Variants in ACAP3 observed in about 807,000 individuals in gnomAD.
ACAP3 encodes arf-GAP with coiled-coil, ANK repeat and PH domain-containing protein 3.
In ACAP3, 56 loss-of-function variants were observed where a neutral mutation model predicts 104.1. The ratio of observed to expected loss-of-function variants is 0.54; its 90% CI spans 0.43 to 0.67. ACAP3 has a LOEUF of 0.67. Among genes scored for constraint, ACAP3 ranks in the 30% least tolerant of loss-of-function variants. The pLI is 0.00. For missense variants in ACAP3, 1,208 were observed against 1,174.9 expected (o/e 1.03, Z -0.41); for synonymous variants, 628 against 496.2 (o/e 1.27, Z -3.53).
chr1:1,298,489 CACCT>C, intron 11 of ACAP3, 68 bp from the exon 12 acceptor site: 2 of 1,550,138 alleles, frequency 1.3e-6, no homozygotes, highest in South Asian at 1.2e-5. Flanking sequence ...CCCCTGCCCC[CACCT>C]GAGGACCCCA....
At chr1:1,301,944 A>T in intron 5 of ACAP3, 44 bp downstream of exon 5, 4 of 1,511,252 alleles carry the variant, frequency 2.6e-6, no homozygotes, top group Non-Finnish European at 3.6e-6. Flanking sequence ...CAAGGGAGGG[A>T]GCGTGGCCTC....
At chr1:1,300,863 G>A (rs113978002) in intron 5 of ACAP3, among the ~76,000 whole-genome samples, 171 bp from the exon 6 acceptor site, 2 of 151,638 alleles carry the variant, frequency 1.3e-5, no homozygotes, top group Admixed American at 1.3e-4. Flanking sequence ...TCTCTGCCTC[G>A]CGAGTTCAAG....
chr1:1,295,674 G>C, intron 18 of ACAP3, 62 bp downstream of exon 18: 3 of 1,554,452 alleles, frequency 1.9e-6, no homozygotes, highest in East Asian at 4.7e-5. Context: ...CCAGCCCCTT[G>C]ACGGAGTCCA....
intron 1 of ACAP3, chr1:1,307,505 C>A: frequency 8.3e-7 from 1 of 1,205,096 alleles, no homozygotes. Flanking sequence ...AGACACAGAG[C>A]GGGGGCGGAC....
chr1:1,294,882 C>A, intron 19 of ACAP3, 66 bp from the exon 20 acceptor site: 1 of 1,506,410 alleles, frequency 6.6e-7, no homozygotes, highest in Non-Finnish European at 9.0e-7. Context: ...AGCCCTGGGG[C>A]AAGGCTGGAA....
chr1:1,303,357 G>A lies in ACAP3; in HGVS notation c.106-76C>T, dbSNP rs1284840395. ...CGCCACCACACACGGCCACTCAGAG[G>A]CAGGAAGAGCTCCCAGGGTAGGTTC... is the stretch of plus-strand genomic sequence containing the variant. On this transcript the variant is annotated intron_variant, in intron 2 of 23. Transcript: ENST00000354700. The surrounding 1 kb of genome is among the most constrained non-coding windows in gnomAD (Gnocchi z 4.0). 1.3e-6 allele frequency: 2 copies of A among 1,523,370 alleles called. No homozygotes were observed. The highest frequency in any genetic ancestry group is 1.8e-6 in the Non-Finnish European group (2 of 1,132,052). 94.4% of individuals were successfully genotyped at this position (1,523,370 alleles called of 1,614,324 possible).
At chr1:1,300,428 C>T (rs536829618) in intron 6 of ACAP3, 81 bp downstream of exon 6, 24 of 1,434,882 alleles carry the variant, frequency 1.7e-5, no homozygotes, top group African/African-American at 7.2e-5. Context: ...TGCTCAAAAT[C>T]CCTCCAGTTC....
rs554622597 is a variant in ACAP3 at position 1,295,748 on chromosome 1, C to T, written c.1693G>A (p.Ala565Thr). 18 of 1,602,678 alleles carry T rather than the reference C, an allele frequency of 1.1e-5. No homozygotes were observed. In the East Asian group the frequency reaches 2.0e-4, roughly 18 times the overall value. Residue 565 changes from alanine to threonine, a missense_variant, in exon 18 of 24, where the codon GCT becomes ACT. Physicochemically the swap from Ala to Thr is moderately conservative, Grantham distance 58. Transcript: ENST00000354700. ...CATGGCCTCCCACCTGAGGACAGAGCGGCCACACAGGGCAGAACGGGCTCA... is the reference window on the plus strand; with the variant it reads ...CATGGCCTCCCACCTGAGGACAGAGTGGCCACACAGGGCAGAACGGGCTCA... ...RLEPVLPCVA[A>T]LSSVGTLDRK...
intron 19 of ACAP3, chr1:1,295,058 C>G: frequency 3.5e-6 from 2 of 569,720 alleles, no homozygotes; most frequent in South Asian, 2.2e-5. Flanking sequence ...GCCCTTCCCT[C>G]CCGCTCGCCG....
chr1:1,296,825 A>G (rs377181383), intron 14 of ACAP3, among the ~76,000 whole-genome samples, 192 bp from the exon 15 acceptor site: 3 of 144,050 alleles, frequency 2.1e-5, no homozygotes, highest in South Asian at 2.3e-4. Flanking sequence ...CCGCACACGC[A>G]CACACGCGCA....
At chr1:1,298,498 A>ACCC in intron 11 of ACAP3, 69 bp downstream of exon 11, 3 of 533,192 alleles carry the variant, frequency 5.6e-6, no homozygotes, top group South Asian at 1.8e-5. Flanking sequence ...CCACCTGAGG[A>ACCC]CCCCACCCCC....
Position 1,293,286 on chromosome 1 carries a change from C to G in ACAP3, c.*278G>C. ...GGCTTGTGACATGAGCAACCCAGGC[C>G]CCTGAAAAGGGGTGACCTGAAGACA... On this transcript the variant is annotated 3_prime_UTR_variant, in exon 24 of 24. Transcript: ENST00000354700. The G allele has an allele frequency of 3.9e-6, 1 of 256,410 alleles. No homozygotes were observed. The highest frequency in any genetic ancestry group is 7.3e-6 in the Non-Finnish European group (1 of 136,958). The allele number at this position is 256,410 out of a possible 1,614,324, so 15.9% of individuals were successfully genotyped here. A position where few individuals can be genotyped will look rare whatever the true frequency, so the allele number is the denominator to read the frequency against.
At position 1,296,508 on chromosome 1, in the gene ACAP3, G is replaced by A. The variant is rs755461888; in HGVS notation, c.1254C>T (p.Cys418=). ...GGGGGTCCGGCTGGCCGCAGTCGCCGCACTGGCTGTTGCCGGCCACACTCT... is the reference window on the plus strand; with the variant it reads ...GGGGGTCCGGCTGGCCGCAGTCGCCACACTGGCTGTTGCCGGCCACACTCT... ...RVQSVAGNSQ[C]GDCGQPDPRW... is the part of the protein sequence containing the mutation. Residue 418 remains cysteine, a synonymous_variant, in exon 15 of 24, where the codon TGC becomes TGT. Transcript: ENST00000354700. The A allele has an allele frequency of 4.6e-5, 71 of 1,541,266 alleles. No homozygotes were observed. Among genetic ancestry groups the A allele is most frequent in the Admixed American group, 1.8e-4 (9 of 51,000 alleles).
intron 5 of ACAP3, 62 bp downstream of exon 5, chr1:1,301,926 T>A: frequency 7.0e-7 from 1 of 1,438,518 alleles, no homozygotes; most frequent in Admixed American, 2.4e-5. Flanking sequence ...CCAGACCCCC[T>A]TCCCCTCCAA....
chr1:1,299,387 G>A (rs755487888), intron 9 of ACAP3, 31 bp from the exon 10 acceptor site: 12 of 1,522,342 alleles, frequency 7.9e-6, no homozygotes, highest in Middle Eastern at 2.1e-4. Flanking sequence ...GGGGTAGGGG[G>A]AGAAAGCCAG....
chr1:1,293,812 G>A lies in ACAP3; in HGVS notation c.2360+11C>T. On this transcript the variant is annotated intron_variant, in intron 23 of 23. Coordinates refer to ENST00000354700, the MANE Select transcript of ACAP3 (RefSeq NM_030649.3). ...GGCCCCGCCCAGCCCCGAGGGCCCG[G>A]CCGCGCTCACAGTGTCACGATGTCA... is the stretch of plus-strand genomic sequence containing the variant. 1 of 1,191,614 alleles carries A rather than the reference G, an allele frequency of 8.4e-7. No individual in the cohort carries two copies. The allele number at this position is 1,191,614 out of a possible 1,614,324, so 73.8% of individuals were successfully genotyped here.
intron 18 of ACAP3, 74 bp downstream of exon 18, chr1:1,295,662 C>A: frequency 6.4e-7 from 1 of 1,551,116 alleles, no homozygotes. Flanking sequence ...AGAGCCCTGC[C>A]ACCAGCCCCT....
intron 1 of ACAP3, among the ~76,000 whole-genome samples, chr1:1,306,376 A>G (rs962495558): frequency 2.0e-5 from 3 of 152,158 alleles, no homozygotes; most frequent in African/African-American, 7.2e-5. Context: ...TCCAGCCCCC[A>G]GCAGGGAGGC....
chr1:1,295,896 C>T lies in ACAP3; in HGVS notation c.1545G>A (p.Lys515=), dbSNP rs1460260771. 3.1e-6 allele frequency: 5 copies of T among 1,612,308 alleles called. No individual in the cohort carries two copies. The highest frequency in any genetic ancestry group is 4.5e-5 in the East Asian group (2 of 44,874). Residue 515 remains lysine, a synonymous_variant, in exon 18 of 24, where the codon AAG becomes AAA. Coordinates refer to ENST00000354700, the MANE Select transcript of ACAP3 (RefSeq NM_030649.3). The stretch of plus-strand genomic sequence containing the variant: ...CCATGGGCGCCTTCCGCAGAAACTT[C>T]TTTTCCACGTATTTGTCCTTGATCC... The part of the protein sequence containing the change: ...EAWIKDKYVE[K]KFLRKAPMAP...
Sources: allele counts gnomAD v4.1 joint callset (sites outside exome capture counted in the v4.1 genomes callset), GRCh38; gene constraint gnomAD v4.1.1; non-coding constraint Gnocchi (gnomAD v3.1); transcripts MANE v1.5; gene names NCBI Gene and HGNC (gene_info 2026-07-23, HGNC 2026-07-21).